SLC14A2: variants seen among roughly 807,000 people sequenced by gnomAD.
SLC14A2 encodes the protein solute carrier family 14 member 2, also known as urea transporter 2.
A neutral mutation model predicts 104.6 loss-of-function variants in SLC14A2; 91 were observed. The observed-to-expected ratio is 0.87, with a 90% CI of 0.73 to 1.04. The LOEUF (loss-of-function observed/expected upper bound fraction) is 1.04. Ranked by LOEUF, SLC14A2 falls within the 50% of genes least tolerant of loss-of-function variation. The probability of loss-of-function intolerance (pLI) is 0.00; values close to 1 mark genes in which losing one functional copy is unlikely to be tolerated. For synonymous variants in SLC14A2, 476 were observed against 466.4 expected (o/e 1.02, Z -0.27); for missense variants, 1,189 against 1,156.0 (o/e 1.03, Z -0.41).
intron 1 of SLC14A2, among the ~76,000 whole-genome samples, chr18:45,258,062 T>C (rs185852218): frequency 6.6e-6 from 1 of 152,232 alleles, no homozygotes; most frequent in Non-Finnish European, 1.5e-5. Context: ...ATATTTGGCA[T>C]ATCCTAGACC....
chr18:45,600,510 G>A (rs993671454), intron 2 of SLC14A2, among the ~76,000 whole-genome samples: 4 of 152,158 alleles, frequency 2.6e-5, no homozygotes, highest in African/African-American at 4.8e-5. Context: ...TCAGGGTATG[G>A]TAATCTTGAT....
intron 1 of SLC14A2, among the ~76,000 whole-genome samples, chr18:45,330,228 G>C (rs913436110): frequency 6.6e-6 from 1 of 152,162 alleles, no homozygotes; most frequent in Non-Finnish European, 1.5e-5. Context: ...AGTGAGACCA[G>C]AGCCATGACT....
At chr18:45,532,761 T>A (rs2043715718) in intron 2 of SLC14A2, among the ~76,000 whole-genome samples, 1 of 152,162 alleles carries the variant, frequency 6.6e-6, no homozygotes, top group African/African-American at 2.4e-5. Flanking sequence ...AGAGAGAGCA[T>A]CCCTGTCTTC....
the SLC14A2 span, among the ~76,000 whole-genome samples, chr18:45,200,141 A>G: frequency 6.6e-6 from 1 of 152,156 alleles, no homozygotes; most frequent in Non-Finnish European, 1.5e-5. Context: ...TAAATGTATT[A>G]CATTCTTTGT....
chr18:45,338,682 C>CAAAAAAAAAA lies in SLC14A2; in HGVS notation c.-125+125512_-125+125521dup, dbSNP rs59474827. The stretch of plus-strand genomic sequence containing the variant: ...GGCCATAGTAACTCACACTGGCTCA[C>CAAAAAAAAAA]AAAAAAAAAAAAAAAAAAAAAAAAA... On this transcript the variant is annotated intron_variant, in intron 1 of 20. Transcript: ENST00000586448. 4.6e-4 allele frequency among the ~76,000 whole-genome samples: 24 copies of CAAAAAAAAAA among 51,850 alleles called. 2 individuals are homozygous for CAAAAAAAAAA. Among genetic ancestry groups the CAAAAAAAAAA allele is most frequent in the East Asian group, 1.9e-3 (3 of 1,560 alleles). The allele number at this position is 51,850 out of a possible 152,430, so 34.0% of individuals were successfully genotyped here. A position where few individuals can be genotyped will look rare whatever the true frequency, so the allele number is the denominator to read the frequency against.
chr18:45,438,813 G>C (rs766099902), intron 1 of SLC14A2, among the ~76,000 whole-genome samples: 6 of 152,132 alleles, frequency 3.9e-5, no homozygotes, highest in Non-Finnish European at 8.8e-5. Flanking sequence ...GTCCATATAA[G>C]AATTCATCAA....
chr18:45,403,261 AC>A (rs2086115732), intron 1 of SLC14A2, among the ~76,000 whole-genome samples: 1 of 152,098 alleles, frequency 6.6e-6, no homozygotes, highest in African/African-American at 2.4e-5. Flanking sequence ...TTAGGGGTCC[AC>A]CCTTATGACC....
At chr18:45,579,345 A>G (rs958870826) in intron 2 of SLC14A2, among the ~76,000 whole-genome samples, 1 of 152,172 alleles carries the variant, frequency 6.6e-6, no homozygotes. Flanking sequence ...AAATATAGAG[A>G]TCTTTGAAGA....
intron 5 of SLC14A2, 52 bp from the exon 6 acceptor site, chr18:45,636,938 T>G: frequency 6.8e-7 from 1 of 1,461,440 alleles, no homozygotes. Flanking sequence ...GCTGAGACAA[T>G]GTAGACCTCA....
At chr18:45,219,234 T>C (rs1368336581) in intron 1 of SLC14A2, among the ~76,000 whole-genome samples, 5 of 152,212 alleles carry the variant, frequency 3.3e-5, no homozygotes, top group African/African-American at 1.2e-4. Flanking sequence ...TTTTCTTGCC[T>C]GCATAAATAA....
chr18:45,381,843 C>T (rs1388815172), intron 1 of SLC14A2, among the ~76,000 whole-genome samples: 3 of 151,974 alleles, frequency 2.0e-5, no homozygotes, highest in Non-Finnish European at 2.9e-5. Flanking sequence ...CAGGCAGGAG[C>T]GAGAGTCCAG....
At chr18:45,643,463 G>A (rs1185003594) in intron 9 of SLC14A2, among the ~76,000 whole-genome samples, 5 of 152,160 alleles carry the variant, frequency 3.3e-5, no homozygotes, top group Admixed American at 2.6e-4. Flanking sequence ...CTGGACATGG[G>A]GGAACATCCT....
chr18:45,206,885 T>A, the SLC14A2 span, among the ~76,000 whole-genome samples: 1,190 of 152,272 alleles, frequency 7.8e-3, 26 homozygotes, highest in African/African-American at 0.027. Context: ...CAATCCATTG[T>A]GGAAATAAGG....
intron 1 of SLC14A2, among the ~76,000 whole-genome samples, chr18:45,419,651 G>A (rs1300929847): frequency 1.3e-5 from 2 of 151,996 alleles, no homozygotes; most frequent in African/African-American, 2.4e-5. Context: ...GCGCACGCCT[G>A]TAATCCCAGT....
chr18:45,469,592 G>T (rs375865223), intron 1 of SLC14A2, among the ~76,000 whole-genome samples: 9 of 152,234 alleles, frequency 5.9e-5, no homozygotes, highest in African/African-American at 1.9e-4. Flanking sequence ...AAGGAACTGG[G>T]TTAGTGCCAG....
intron 1 of SLC14A2, among the ~76,000 whole-genome samples, chr18:45,286,634 A>G (rs544278273): frequency 2.6e-5 from 4 of 152,282 alleles, no homozygotes; most frequent in South Asian, 4.2e-4. Flanking sequence ...GGATTTCCCA[A>G]TGTTCCCAAA....
intron 1 of SLC14A2, among the ~76,000 whole-genome samples, chr18:45,416,632 T>C (rs1453538237): frequency 6.6e-6 from 1 of 152,136 alleles, no homozygotes; most frequent in Non-Finnish European, 1.5e-5. Context: ...TTGTCACTAT[T>C]ATTGGGAAGG....
chr18:45,480,197 T>C (rs914873358), intron 1 of SLC14A2, among the ~76,000 whole-genome samples: 4 of 152,256 alleles, frequency 2.6e-5, no homozygotes, highest in African/African-American at 9.6e-5. Context: ...TCTGATTTGC[T>C]TGAGTCTACA....
At chr18:45,425,883 G>C (rs1404425125) in intron 1 of SLC14A2, among the ~76,000 whole-genome samples, 3 of 151,906 alleles carry the variant, frequency 2.0e-5, no homozygotes, top group African/African-American at 7.3e-5. Context: ...TAAAGGGAGG[G>C]GGTGGATTTC....
Sources: allele counts gnomAD v4.1 joint callset (sites outside exome capture counted in the v4.1 genomes callset), GRCh38; gene constraint gnomAD v4.1.1; transcripts MANE v1.5; gene names NCBI Gene and HGNC (gene_info 2026-07-23, HGNC 2026-07-21).